Variants in TMEM108 observed in about 807,000 individuals in gnomAD.
The protein encoded by TMEM108 is cancer/testis antigen 124.
A neutral mutation model predicts 35.1 loss-of-function variants in TMEM108; 12 were observed. The ratio of observed to expected loss-of-function variants is 0.34; its 90% confidence interval spans 0.22 to 0.55. The LOEUF is 0.55. TMEM108 is among the 20% of genes least tolerant of loss of function. The pLI, the probability that TMEM108 is intolerant of heterozygous loss-of-function variation, is 0.89. For synonymous variants in TMEM108, 287 were observed against 308.6 expected (o/e 0.93, Z 0.73); for missense variants, 680 against 753.3 (o/e 0.90, Z 1.14).
chr3:133,362,395 C>T (rs1458455832), intron 3 of TMEM108, among the ~76,000 whole-genome samples: 3 of 152,142 alleles, frequency 2.0e-5, no homozygotes, highest in Admixed American at 6.5e-5. Flanking sequence ...GCCCTCCACT[C>T]CTACTCCCCC....
intron 3 of TMEM108, among the ~76,000 whole-genome samples, chr3:133,251,471 A>G (rs11914347): frequency 0.97 from 146,994 of 152,256 alleles, 71,145 homozygotes; most frequent in East Asian, 1. Flanking sequence ...CTCAAAGATC[A>G]CTATGACTTA....
intron 3 of TMEM108, among the ~76,000 whole-genome samples, chr3:133,379,098 G>T (rs1184924418): frequency 6.6e-6 from 1 of 152,168 alleles, no homozygotes; most frequent in Non-Finnish European, 1.5e-5. Context: ...TTGTGGATAT[G>T]TGCGAGCTTA....
At chr3:133,142,348 G>C (rs142127418) in intron 2 of TMEM108, among the ~76,000 whole-genome samples, 1 of 152,160 alleles carries the variant, frequency 6.6e-6, no homozygotes, top group Non-Finnish European at 1.5e-5. Context: ...GGACAGGAAG[G>C]GTGCTGAGGA....
chr3:133,272,191 T>C (rs1276621658), intron 3 of TMEM108, among the ~76,000 whole-genome samples: 2 of 151,968 alleles, frequency 1.3e-5, no homozygotes, highest in African/African-American at 4.8e-5. Context: ...ATTTGTGTCA[T>C]CTAACACTTA....
At chr3:133,288,929 T>A (rs1947023526) in intron 3 of TMEM108, among the ~76,000 whole-genome samples, 1 of 152,078 alleles carries the variant, frequency 6.6e-6, no homozygotes, top group Non-Finnish European at 1.5e-5. Flanking sequence ...AGAGATGGGG[T>A]TTCACCATGT....
intron 2 of TMEM108, among the ~76,000 whole-genome samples, chr3:133,189,379 G>C (rs900868434): frequency 2.6e-5 from 4 of 152,136 alleles, no homozygotes; most frequent in African/African-American, 9.7e-5. Flanking sequence ...TTTTAAAGTG[G>C]AATTGTACAG....
chr3:133,073,504 C>A (rs377494594), intron 2 of TMEM108, among the ~76,000 whole-genome samples: 9 of 85,902 alleles, frequency 1.0e-4, no homozygotes, highest in South Asian at 7.4e-4. Context: ...CTCTCTCTCT[C>A]TCTCTCTATA....
chr3:133,370,972 G>A (rs1038405255), intron 3 of TMEM108, among the ~76,000 whole-genome samples: 2 of 148,840 alleles, frequency 1.3e-5, no homozygotes, highest in African/African-American at 4.9e-5. Flanking sequence ...TTATTTCCCT[G>A]AGGGAACCTG....
At chr3:133,369,475 T>C (rs1205401988) in intron 3 of TMEM108, among the ~76,000 whole-genome samples, 1 of 152,134 alleles carries the variant, frequency 6.6e-6, no homozygotes, top group Non-Finnish European at 1.5e-5. Flanking sequence ...GTCAAGAAAG[T>C]AGTGGCTGTT....
chr3:133,155,688 C>G (rs1944870888), intron 2 of TMEM108, among the ~76,000 whole-genome samples: 1 of 152,052 alleles, frequency 6.6e-6, no homozygotes, highest in Non-Finnish European at 1.5e-5. Flanking sequence ...CCTTTGCCTG[C>G]TTTTCAATGG....
chr3:133,054,749 G>A (rs1393995677), intron 2 of TMEM108, among the ~76,000 whole-genome samples: 1 of 152,156 alleles, frequency 6.6e-6, no homozygotes, highest in Non-Finnish European at 1.5e-5. Flanking sequence ...GATGGTCCTG[G>A]CTCTATTTGG....
chr3:133,240,982 A>C (rs964011025), intron 3 of TMEM108, among the ~76,000 whole-genome samples: 1 of 152,230 alleles, frequency 6.6e-6, no homozygotes, highest in South Asian at 2.1e-4. Context: ...GTCCTCACCC[A>C]GATTTGAATT....
intron 3 of TMEM108, among the ~76,000 whole-genome samples, chr3:133,257,716 ACT>A (rs1255940191): frequency 6.6e-6 from 1 of 152,142 alleles, no homozygotes; most frequent in Non-Finnish European, 1.5e-5. Context: ...AAGGGATGAA[ACT>A]CTCTGGTAGT....
chr3:133,338,374 C>A (rs1297524045), intron 3 of TMEM108, among the ~76,000 whole-genome samples: 1 of 152,016 alleles, frequency 6.6e-6, no homozygotes, highest in South Asian at 2.1e-4. Flanking sequence ...TTAGTGGAAA[C>A]CTTACAGGCC....
At chr3:133,218,886 T>TA (rs1402796239) in intron 2 of TMEM108, among the ~76,000 whole-genome samples, 1 of 152,080 alleles carries the variant, frequency 6.6e-6, no homozygotes, top group Non-Finnish European at 1.5e-5. Context: ...AGGGTAAGGC[T>TA]AGCCTTCTAA....
chr3:133,367,693 GTC>G (rs996082075), intron 3 of TMEM108, among the ~76,000 whole-genome samples: 52 of 152,348 alleles, frequency 3.4e-4, no homozygotes, highest in African/African-American at 1.1e-3. Context: ...AAGCCACAGG[GTC>G]TCAGGAGCAG....
At chr3:133,062,067 C>T (rs563198640) in intron 2 of TMEM108, among the ~76,000 whole-genome samples, 16 of 152,310 alleles carry the variant, frequency 1.1e-4, no homozygotes, top group African/African-American at 2.9e-4. Context: ...GATGGTGAGT[C>T]TTCTGGATGG....
chr3:133,177,269 T>C (rs1364548372), intron 2 of TMEM108, among the ~76,000 whole-genome samples: 1 of 152,184 alleles, frequency 6.6e-6, no homozygotes, highest in East Asian at 1.9e-4. Flanking sequence ...CTTCTGAAAC[T>C]ATTCCAATCA....
At chr3:133,172,415 G>C (rs1248946050) in intron 2 of TMEM108, among the ~76,000 whole-genome samples, 6 of 152,172 alleles carry the variant, frequency 3.9e-5, no homozygotes, top group Admixed American at 3.3e-4. Context: ...AGTAGAATTT[G>C]ACAATAATGA....
Sources: allele counts gnomAD v4.1 joint callset (sites outside exome capture counted in the v4.1 genomes callset), GRCh38; gene constraint gnomAD v4.1.1; transcripts MANE v1.5; gene names NCBI Gene and HGNC (gene_info 2026-07-23, HGNC 2026-07-21).